SFRP1: variants seen among roughly 807,000 people sequenced by gnomAD.
SFRP1 encodes secreted frizzled related protein 1.
SFRP1 carries 9 observed loss-of-function variants against 25.9 expected under a neutral mutation model. That is an observed-to-expected ratio of 0.35 (90% CI 0.21 to 0.61). The LOEUF (loss-of-function observed/expected upper bound fraction) is 0.61. SFRP1 is among the 20% of genes least tolerant of loss of function. SFRP1 has a pLI of 0.78. For missense variants in SFRP1, 346 were observed against 418.2 expected (o/e 0.83, Z 1.51); for synonymous variants, 178 against 174.0 (o/e 1.02, Z -0.18).
At chr8:41,302,376 G>C (rs919261394) in intron 2 of SFRP1, among the ~76,000 whole-genome samples, 5 of 152,338 alleles carry the variant, frequency 3.3e-5, no homozygotes, top group African/African-American at 1.2e-4. Context: ...CATGTGTGCA[G>C]CTTACTTTGA....
chr8:41,304,166 C>G (rs1803963812), intron 1 of SFRP1, among the ~76,000 whole-genome samples: 1 of 152,082 alleles, frequency 6.6e-6, no homozygotes, highest in Non-Finnish European at 1.5e-5. Flanking sequence ...AGGAAGGGGT[C>G]CTTCAGAGGC....
At chr8:41,296,450 C>T (rs530065208) in intron 2 of SFRP1, among the ~76,000 whole-genome samples, 66 of 152,012 alleles carry the variant, frequency 4.3e-4, no homozygotes, top group African/African-American at 1.6e-3. Context: ...TAATTGGCTG[C>T]CCTAAGGTCG....
chr8:41,276,850 T>C (rs1183701540), intron 2 of SFRP1: 2 of 442,046 alleles, frequency 4.5e-6, no homozygotes, highest in Admixed American at 2.4e-5. Flanking sequence ...GGCAGGAGAG[T>C]AGAGATTGCA....
chr8:41,297,996 G>A (rs1020995574), intron 2 of SFRP1, among the ~76,000 whole-genome samples: 5 of 152,170 alleles, frequency 3.3e-5, no homozygotes, highest in Admixed American at 3.3e-4. Flanking sequence ...AGTGCTGGTG[G>A]GCAGTAACAG....
At position 41,262,013 on chromosome 8, in the gene SFRP1, A is replaced by C. The variant is rs1563356009; in HGVS notation, c.*3154T>G. 6.6e-6 allele frequency: 1 copy of C among 152,358 alleles called. No homozygotes were observed. The highest frequency in any genetic ancestry group is 1.5e-5 in the Non-Finnish European group (1 of 68,038). 9.4% of individuals were successfully genotyped at this position (152,358 alleles called of 1,614,324 possible). ...GTGAATATTGATACATGGCTGAAAA[A>C]GCATGAAAATAAAATGAACACGTAC... On this transcript the variant is annotated 3_prime_UTR_variant, in exon 3 of 3. Transcript: ENST00000220772.
intron 2 of SFRP1, among the ~76,000 whole-genome samples, chr8:41,286,874 A>G (rs1047090929): frequency 2.0e-5 from 3 of 152,208 alleles, no homozygotes; most frequent in Non-Finnish European, 4.4e-5. Flanking sequence ...AACACAGCCA[A>G]CTTCTGGAGA....
chr8:41,270,821 C>CA (rs5891135), intron 2 of SFRP1, among the ~76,000 whole-genome samples: 20,145 of 122,628 alleles, frequency 0.16, 2,597 homozygotes, highest in East Asian at 0.41. Flanking sequence ...GACTCCATCT[C>CA]AAAAAAAAAA....
rs574872113 is a variant in SFRP1, at chr8:41,299,129, T to A, written c.622+4332A>T. Reference sequence around the variant, plus strand: ...CCCCACCTCCCATGCACAAGAAGGCTGCTCAGAAAGAGACACAGGCTCTCA... The same window carrying A: ...CCCCACCTCCCATGCACAAGAAGGCAGCTCAGAAAGAGACACAGGCTCTCA... On this transcript the variant is annotated intron_variant, in intron 2 of 2. Coordinates refer to ENST00000220772, the MANE Select transcript of SFRP1 (RefSeq NM_003012.5). Among the ~76,000 whole-genome samples the A allele has an allele frequency of 1.3e-4, 19 of 145,248 alleles. No individual in the cohort carries two copies. In the South Asian group the frequency reaches 3.7e-3, roughly 28 times the overall value.
intron 2 of SFRP1, among the ~76,000 whole-genome samples, chr8:41,281,672 TC>T (rs1387002316): frequency 2.0e-5 from 3 of 152,162 alleles, no homozygotes; most frequent in Admixed American, 6.5e-5. Flanking sequence ...TGTGAAGCCA[TC>T]CCTCATATAC....
At chr8:41,302,458 C>T (rs572277887) in intron 2 of SFRP1, among the ~76,000 whole-genome samples, 9 of 152,304 alleles carry the variant, frequency 5.9e-5, no homozygotes, top group East Asian at 1.9e-4. Flanking sequence ...GGGATGCCTC[C>T]GAATGGACTC....
intron 2 of SFRP1, among the ~76,000 whole-genome samples, chr8:41,288,043 C>T (rs1455120882): frequency 6.9e-6 from 1 of 144,842 alleles, no homozygotes; most frequent in African/African-American, 2.5e-5. Flanking sequence ...CATAGCGAGA[C>T]CCCGTTTCTA....
At chr8:41,288,936 T>C (rs768364807) in intron 2 of SFRP1, among the ~76,000 whole-genome samples, 1 of 152,180 alleles carries the variant, frequency 6.6e-6, no homozygotes, top group African/African-American at 2.4e-5. Context: ...AAGATGGCGC[T>C]GGGGCCAGGA....
At chr8:41,276,817 C>T (rs112560357) in intron 2 of SFRP1, 25 of 386,634 alleles carry the variant, frequency 6.5e-5, no homozygotes, top group African/African-American at 4.2e-4. Flanking sequence ...TTCTGGACCC[C>T]AGACACCTCA....
In SFRP1 at chr8:41,293,275, T is replaced by G. The variant is rs138274590; in HGVS notation, c.622+10186A>C. On this transcript the variant is annotated intron_variant, in intron 2 of 2. Coordinates refer to ENST00000220772, the MANE Select transcript of SFRP1 (RefSeq NM_003012.5). ...AGCCTTGCTGGGACCTCGTCACCCT[T>G]TGAGCTGGGTACACAGACAGCTGCG... 4.2e-3 allele frequency among the ~76,000 whole-genome samples: 638 copies of G among 152,272 alleles called. 4 individuals carry two copies. The highest frequency in any genetic ancestry group is 0.014 in the African/African-American group (602 of 41,556).
intron 2 of SFRP1, among the ~76,000 whole-genome samples, chr8:41,272,260 G>A (rs565168786): frequency 1.4e-4 from 22 of 152,308 alleles, no homozygotes; most frequent in Non-Finnish European, 2.8e-4. Flanking sequence ...GTGTAAAAGA[G>A]ATAAATCTTT....
chr8:41,282,498 G>A (rs1033297410), intron 2 of SFRP1, among the ~76,000 whole-genome samples: 3 of 152,034 alleles, frequency 2.0e-5, no homozygotes, highest in Non-Finnish European at 4.4e-5. Context: ...GGGTGACAGA[G>A]AAAGACCCTG....
intron 1 of SFRP1, 47 bp from the exon 2 acceptor site, chr8:41,303,585 GA>G (rs753002204): frequency 1.4e-5 from 21 of 1,487,102 alleles, no homozygotes; most frequent in Non-Finnish European, 2.0e-5. Context: ...TACAGAGCAG[GA>G]AGGGAGCAGC....
chr8:41,282,224 A>C (rs145561463), intron 2 of SFRP1, among the ~76,000 whole-genome samples: 322 of 152,342 alleles, frequency 2.1e-3, no homozygotes, highest in Non-Finnish European at 3.6e-3. Flanking sequence ...AATGTTAGAA[A>C]TTAGGTTTTG....
chr8:41,308,114 T>C (rs1022469652), intron 1 of SFRP1, among the ~76,000 whole-genome samples: 1 of 152,240 alleles, frequency 6.6e-6, no homozygotes, highest in African/African-American at 2.4e-5. Context: ...TTTTAAATCT[T>C]TGTCGAACCT....
Sources: allele counts gnomAD v4.1 joint callset (sites outside exome capture counted in the v4.1 genomes callset), GRCh38; gene constraint gnomAD v4.1.1; transcripts MANE v1.5; gene names NCBI Gene and HGNC (gene_info 2026-07-23, HGNC 2026-07-21).